ALK: variants seen among roughly 807,000 people sequenced by gnomAD.
The protein encoded by ALK is ALK tyrosine kinase receptor.
Under a neutral mutation model 163.1 loss-of-function variants are expected in ALK, and 74 were observed. The ratio of observed to expected loss-of-function variants is 0.45; its 90% CI spans 0.38 to 0.55. The LOEUF (loss-of-function observed/expected upper bound fraction) is 0.55. ALK is among the 20% of genes least tolerant of loss of function. The pLI is 0.00. For missense variants in ALK, 2,063 were observed against 2,105.3 expected, an observed-to-expected ratio of 0.98 and a Z score of 0.39; for synonymous variants, 960 against 843.2, an observed-to-expected ratio of 1.14 and a Z score of -2.40.
chr2:29,875,323 T>C (rs1666676598), intron 1 of ALK, among the ~76,000 whole-genome samples: 2 of 152,156 alleles, frequency 1.3e-5, no homozygotes, highest in East Asian at 1.9e-4. Context: ...GTTCTAGAAA[T>C]GGATAATGGT....
At chr2:29,883,969 A>G (rs1666929690) in intron 1 of ALK, among the ~76,000 whole-genome samples, 1 of 152,230 alleles carries the variant, frequency 6.6e-6, no homozygotes, top group African/African-American at 2.4e-5. Context: ...ATAAGTTAAA[A>G]TGTATTAAAA....
chr2:29,281,700 C>T (rs1222100903), intron 9 of ALK, among the ~76,000 whole-genome samples: 1 of 152,150 alleles, frequency 6.6e-6, no homozygotes, highest in Non-Finnish European at 1.5e-5. Flanking sequence ...TACAGAGACG[C>T]CTTTTGAAAA....
At chr2:29,549,145 C>A (rs1005168055) in intron 3 of ALK, among the ~76,000 whole-genome samples, 7 of 151,508 alleles carry the variant, frequency 4.6e-5, no homozygotes, top group African/African-American at 1.7e-4. Context: ...GGTACACACA[C>A]ACACACACAC....
At chr2:29,880,873 T>A (rs56077297) in intron 1 of ALK, among the ~76,000 whole-genome samples, 9,667 of 152,274 alleles carry the variant, frequency 0.063, 440 homozygotes, top group East Asian at 0.14. Flanking sequence ...CAGTTAGAGC[T>A]GCTTTTCTGG....
intron 4 of ALK, among the ~76,000 whole-genome samples, chr2:29,475,626 G>A (rs984777630): frequency 6.6e-6 from 1 of 152,210 alleles, no homozygotes; most frequent in African/African-American, 2.4e-5. Flanking sequence ...GAGTGGCTAA[G>A]CCCCTGCTAG....
At chr2:29,644,146 G>A (rs1313731584) in intron 3 of ALK, among the ~76,000 whole-genome samples, 3 of 150,582 alleles carry the variant, frequency 2.0e-5, no homozygotes, top group Admixed American at 6.7e-5. Context: ...ACTATCGCAA[G>A]GACAAAAAAC....
chr2:29,532,551 C>T (rs1254393899), intron 3 of ALK, among the ~76,000 whole-genome samples: 1 of 152,266 alleles, frequency 6.6e-6, no homozygotes. Context: ...GTTGGCTGAA[C>T]TCAATAATCT....
chr2:29,605,040 CA>C (rs1675502013), intron 3 of ALK, among the ~76,000 whole-genome samples: 1 of 152,202 alleles, frequency 6.6e-6, no homozygotes, highest in Non-Finnish European at 1.5e-5. Flanking sequence ...CAATAATCTA[CA>C]GTCTAAAGAA....
Position 29,283,724 on chromosome 2 carries a change from T to C in ALK, c.1818-8228A>G, listed in dbSNP as rs868374208. ...GGTTTTTAAAAGAATCTATGTAAGATGTGTTTTTTTCCCCCAACAATGGAA... is the reference window on the plus strand; with the variant it reads ...GGTTTTTAAAAGAATCTATGTAAGACGTGTTTTTTTCCCCCAACAATGGAA... On this transcript the variant is annotated intron_variant, in intron 9 of 28. Coordinates refer to ENST00000389048, the MANE Select transcript of ALK (RefSeq NM_004304.5). Among the ~76,000 whole-genome samples the C allele has an allele frequency of 2.6e-5, 4 of 152,254 alleles. No individual in the cohort carries two copies. In the Middle Eastern group the frequency reaches 0.01, roughly 388 times the overall value.
At chr2:29,354,545 C>T (rs1016652595) in intron 5 of ALK, among the ~76,000 whole-genome samples, 10 of 151,584 alleles carry the variant, frequency 6.6e-5, no homozygotes, top group African/African-American at 2.4e-4. Context: ...CATCGTGCAC[C>T]GGAGACCATC....
intron 3 of ALK, among the ~76,000 whole-genome samples, chr2:29,579,639 T>TTAAGA (rs1674623110): frequency 6.6e-6 from 1 of 152,178 alleles, no homozygotes; most frequent in Non-Finnish European, 1.5e-5. Context: ...ATATGAGCCA[T>TTAAGA]CCTGAGGCTT....
chr2:29,779,485 G>A (rs1681276167), intron 1 of ALK, among the ~76,000 whole-genome samples: 1 of 152,156 alleles, frequency 6.6e-6, no homozygotes, highest in African/African-American at 2.4e-5. Context: ...ATTAAATGGG[G>A]TCTCCTGAGT....
intron 12 of ALK, among the ~76,000 whole-genome samples, chr2:29,248,419 C>T (rs1664739121): frequency 6.6e-6 from 1 of 152,172 alleles, no homozygotes; most frequent in Non-Finnish European, 1.5e-5. Context: ...GCTGAGGTGG[C>T]ACCACTGCAC....
intron 4 of ALK, among the ~76,000 whole-genome samples, chr2:29,464,802 CA>C (rs1052222917): frequency 2.2e-4 from 34 of 152,226 alleles, no homozygotes; most frequent in African/African-American, 7.9e-4. Context: ...GCTCCCCCAA[CA>C]AAGTATTAAC....
At chr2:29,439,078 C>T (rs911356133) in intron 4 of ALK, among the ~76,000 whole-genome samples, 1 of 152,144 alleles carries the variant, frequency 6.6e-6, no homozygotes. Context: ...ACATTTACCT[C>T]GAGGACATCT....
intron 3 of ALK, among the ~76,000 whole-genome samples, chr2:29,532,802 C>A (rs1673155219): frequency 6.6e-6 from 1 of 152,238 alleles, no homozygotes; most frequent in African/African-American, 2.4e-5. Context: ...CCTTCTGATA[C>A]ATTAATTTTA....
In ALK at chr2:29,433,877, A is replaced by G. The variant is rs149644162; in HGVS notation, c.1155-50018T>C. ...TGTTTAATGAATGAACAAATAAATG[A>G]ACAAAAGAAATATCACATCCATCCT... On this transcript the variant is annotated intron_variant, in intron 4 of 28. Coordinates refer to ENST00000389048, the MANE Select transcript of ALK (RefSeq NM_004304.5). Among the ~76,000 whole-genome samples the G allele has an allele frequency of 3.7e-3, 565 of 152,342 alleles. 3 individuals are homozygous for G. The highest frequency in any genetic ancestry group is 0.013 in the African/African-American group (538 of 41,576).
At chr2:29,430,722 A>G (rs573541259) in intron 4 of ALK, among the ~76,000 whole-genome samples, 1 of 152,346 alleles carries the variant, frequency 6.6e-6, no homozygotes, top group East Asian at 1.9e-4. Context: ...CCTGGTATAA[A>G]GAGAGCAATT....
intron 1 of ALK, among the ~76,000 whole-genome samples, chr2:29,850,095 AGAC>A (rs1665951442): frequency 8.5e-5 from 13 of 152,238 alleles, no homozygotes; most frequent in Admixed American, 8.5e-4. Context: ...CAGTAGAACA[AGAC>A]AAATCAATGG....
Sources: allele counts gnomAD v4.1 joint callset (sites outside exome capture counted in the v4.1 genomes callset), GRCh38; gene constraint gnomAD v4.1.1; transcripts MANE v1.5; gene names NCBI Gene and HGNC (gene_info 2026-07-23, HGNC 2026-07-21).